Variants in PAX2 observed in about 807,000 individuals in gnomAD.
The protein encoded by PAX2 is paired box 2.
Under a neutral mutation model 41.7 loss-of-function variants are expected in PAX2, and 9 were observed. That is an observed-to-expected ratio of 0.22 (90% CI 0.13 to 0.38). The LOEUF (loss-of-function observed/expected upper bound fraction) is 0.38, where lower values mean the gene tolerates loss of function less well. Among genes scored for constraint, PAX2 ranks in the 10% least tolerant of loss-of-function variants. The pLI is 1.00. For missense variants in PAX2, 418 were observed against 531.6 expected, an observed-to-expected ratio of 0.79 and a Z score of 2.10; for synonymous variants, 221 against 212.7, an observed-to-expected ratio of 1.04 and a Z score of -0.34.
At chr10:100,788,508 T>C (rs979362793) in intron 5 of PAX2, among the ~76,000 whole-genome samples, 2 of 152,240 alleles carry the variant, frequency 1.3e-5, no homozygotes, top group Middle Eastern at 6.8e-3. Context: ...CTGAGGCTGA[T>C]GGGGGAAGTC....
At chr10:100,817,509 C>G (rs59915970) in intron 7 of PAX2, among the ~76,000 whole-genome samples, 1 of 152,226 alleles carries the variant, frequency 6.6e-6, no homozygotes, top group Non-Finnish European at 1.5e-5. Context: ...GGGATGGAAA[C>G]AGCATGACTG....
At chr10:100,819,233 G>C (rs866071203) in intron 7 of PAX2, among the ~76,000 whole-genome samples, 2 of 146,592 alleles carry the variant, frequency 1.4e-5, no homozygotes, top group African/African-American at 2.5e-5. Context: ...GGGAGACAGA[G>C]CAAGACTCTG....
intron 5 of PAX2, 123 bp downstream of exon 5, chr10:100,781,488 G>T (rs1038445070): frequency 9.5e-7 from 1 of 1,051,328 alleles, no homozygotes. Flanking sequence ...GCAAAGCCCA[G>T]GTCCCCCCAC....
intron 5 of PAX2, among the ~76,000 whole-genome samples, chr10:100,803,752 C>T (rs1282547791): frequency 6.6e-6 from 1 of 152,018 alleles, no homozygotes; most frequent in Non-Finnish European, 1.5e-5. Flanking sequence ...CCCCACTTCC[C>T]TCTCCTCTGC....
At chr10:100,768,372 C>A (rs1255962604) in intron 3 of PAX2, among the ~76,000 whole-genome samples, 1 of 152,124 alleles carries the variant, frequency 6.6e-6, no homozygotes, top group Non-Finnish European at 1.5e-5. Flanking sequence ...GATTTGGAAA[C>A]TAGATAGATG....
At chr10:100,769,636 A>C in intron 3 of PAX2, among the ~76,000 whole-genome samples, 1 of 146,324 alleles carries the variant, frequency 6.8e-6, no homozygotes, top group African/African-American at 2.5e-5. Flanking sequence ...GAATAAAATA[A>C]AATAAAATAA....
At chr10:100,795,413 C>T (rs1216924276) in intron 5 of PAX2, among the ~76,000 whole-genome samples, 6 of 151,722 alleles carry the variant, frequency 4.0e-5, no homozygotes, top group Non-Finnish European at 5.9e-5. Context: ...ATATGATGAA[C>T]GAAAAAAACA....
rs1845293955 is a variant in PAX2, at chr10:100,748,463, C to T, written c.44-1283C>T. ...GGAGGGGAGAGAAATGAGGGGGGCA[C>T]AGATGTCCCCGCTTTCTCCGAAACT... On this transcript the variant is annotated intron_variant, in intron 1 of 9. Coordinates refer to ENST00000355243, the MANE Select transcript of PAX2 (RefSeq NM_000278.5). The surrounding 1 kb of genome is among the most constrained non-coding windows in gnomAD (Gnocchi z 5.0). The T allele has an allele frequency of 1.0e-6, 1 of 985,010 alleles. No individual in the cohort carries two copies. The highest frequency in any genetic ancestry group is 1.2e-6 in the Non-Finnish European group (1 of 829,848). 61.0% of individuals were successfully genotyped at this position (985,010 alleles called of 1,614,324 possible). A position where few individuals can be genotyped will look rare whatever the true frequency, so the allele number is the denominator to read the frequency against.
rs184194800 is a variant in PAX2 at position 100,763,290 on chromosome 10, C to T, written c.410+12399C>T. Among the ~76,000 whole-genome samples, 8 of 152,228 alleles carry T rather than the reference C, an allele frequency of 5.3e-5. No homozygotes were observed. The East Asian group carries it at 5.8e-4, about 11-fold the overall frequency. ...TCAGTCAATCATCTATAAAGGTTGT[C>T]GATATGATGCCAAAGATCTGGCGAT... On this transcript the variant is annotated intron_variant, in intron 3 of 9. Transcript: ENST00000355243.
upstream of PAX2, among the ~76,000 whole-genome samples, chr10:100,743,555 C>G (rs1044000088): frequency 6.6e-5 from 10 of 152,158 alleles, no homozygotes; most frequent in Non-Finnish European, 1.5e-4. Flanking sequence ...AATAAGGACC[C>G]TTTCTCAACG....
In PAX2 at chr10:100,824,353, TACACACACACAC is replaced by T. The variant is rs61572589; in HGVS notation, c.920-263_920-252del. Among the ~76,000 whole-genome samples the T allele has an allele frequency of 7.0e-3, 946 of 135,568 alleles. 19 individuals are homozygous for T. Among genetic ancestry groups the T allele is most frequent in the African/African-American group, 0.024 (892 of 36,756 alleles). The allele number at this position is 135,568 out of a possible 152,430, so 88.9% of individuals were successfully genotyped here. ...GCACAGAGACACAGGCAAAGGCAGATACACACACACACACACACACACACACACACACACACA... is the reference window on the plus strand; with the variant it reads ...GCACAGAGACACAGGCAAAGGCAGATACACACACACACACACACACACACA... On this transcript the variant is annotated intron_variant, in intron 7 of 9. Transcript: ENST00000355243. This position sits in a 1 kb window ranked among gnomAD's most constrained non-coding sequence, Gnocchi z 6.6.
At position 100,829,110 on chromosome 10, in the gene PAX2, A is replaced by G; in HGVS notation, c.*1491A>G. On this transcript the variant is annotated 3_prime_UTR_variant, in exon 10 of 10. Transcript: ENST00000355243. ...TTTATGTTACAAAAAAAAATTACGA[A>G]AGAAAAGAAATCTCTATGCAAAATG... The G allele has an allele frequency of 4.3e-6, 1 of 231,112 alleles. No individual in the cohort carries two copies. Among genetic ancestry groups the G allele is most frequent in the Non-Finnish European group, 8.6e-6 (1 of 116,614 alleles). The allele number at this position is 231,112 out of a possible 1,614,324, so 14.3% of individuals were successfully genotyped here. A position where few individuals can be genotyped will look rare whatever the true frequency, so the allele number is the denominator to read the frequency against.
chr10:100,795,697 G>A (rs1230779255), intron 5 of PAX2, among the ~76,000 whole-genome samples: 1 of 152,168 alleles, frequency 6.6e-6, no homozygotes, highest in Non-Finnish European at 1.5e-5. Flanking sequence ...GGATGGCCTT[G>A]GGCTTGTCAC....
chr10:100,784,472 G>A (rs950277813), intron 5 of PAX2, among the ~76,000 whole-genome samples: 1 of 152,194 alleles, frequency 6.6e-6, no homozygotes, highest in Non-Finnish European at 1.5e-5. Flanking sequence ...TTGGCCCCAA[G>A]CACTGTGGCA....
In PAX2 at chr10:100,750,600, G is replaced by T; in HGVS notation, c.213-94G>T. On this transcript the variant is annotated intron_variant, in intron 2 of 9. Coordinates refer to ENST00000355243, the MANE Select transcript of PAX2 (RefSeq NM_000278.5). The surrounding 1 kb of genome is among the most constrained non-coding windows in gnomAD (Gnocchi z 4.1). ...TTCCCTCCACTCCGCTGCCTCGGCC[G>T]GGCAGGAGAGTGGCTCAGCAGCTCT... 1.8e-6 allele frequency: 2 copies of T among 1,126,396 alleles called. No homozygotes were observed. Among genetic ancestry groups the T allele is most frequent in the Non-Finnish European group, 2.6e-6 (2 of 760,194 alleles). The allele number at this position is 1,126,396 out of a possible 1,614,324, so 69.8% of individuals were successfully genotyped here.
chr10:100,787,130 C>G (rs1017983089), intron 5 of PAX2: 3 of 462,628 alleles, frequency 6.5e-6, no homozygotes, highest in Non-Finnish European at 8.3e-6. Flanking sequence ...GAGGAGTTGG[C>G]TCAGGCTTCC....
intron 3 of PAX2, among the ~76,000 whole-genome samples, chr10:100,772,540 G>A (rs549793504): frequency 5.9e-5 from 9 of 152,334 alleles, no homozygotes; most frequent in South Asian, 2.1e-4. Context: ...ATGACCATTC[G>A]TCTGGCTTAG....
chr10:100,776,717 C>T (rs1167120543), intron 3 of PAX2, among the ~76,000 whole-genome samples: 2 of 152,210 alleles, frequency 1.3e-5, no homozygotes, highest in Non-Finnish European at 2.9e-5. Flanking sequence ...CACCACTTCC[C>T]TCCAAAACCA....
At chr10:100,820,705 C>A (rs1338666498) in intron 7 of PAX2, among the ~76,000 whole-genome samples, 1 of 152,224 alleles carries the variant, frequency 6.6e-6, no homozygotes, top group African/African-American at 2.4e-5. Flanking sequence ...TAGAGCGAGA[C>A]TTCATCTCAA....
Sources: gnomAD v4.1 joint callset for allele counts (sites outside exome capture counted in the v4.1 genomes callset) on GRCh38, gnomAD v4.1.1 for gene constraint, Gnocchi (gnomAD v3.1) non-coding constraint, MANE v1.5 for transcripts, NCBI Gene and HGNC (gene_info 2026-07-23, HGNC 2026-07-21) for gene names.